ZFYVE26: variants seen among roughly 807,000 people sequenced by gnomAD.
The protein encoded by ZFYVE26 is zinc finger FYVE domain-containing protein 26.
In ZFYVE26, 181 loss-of-function variants were observed where a neutral mutation model predicts 276.5. The observed-to-expected ratio is 0.65, with a 90% CI of 0.58 to 0.74. The LOEUF (loss-of-function observed/expected upper bound fraction) is 0.74. ZFYVE26 is among the 30% of genes least tolerant of loss of function. ZFYVE26 has a pLI of 0.00. For missense variants in ZFYVE26, 2,821 were observed against 3,097.9 expected (o/e 0.91, Z 2.12); for synonymous variants, 1,129 against 1,203.1 (o/e 0.94, Z 1.27).
At chr14:67,741,501 C>T (rs1040238079) in intron 13 of ZFYVE26, among the ~76,000 whole-genome samples, 1 of 152,118 alleles carries the variant, frequency 6.6e-6, no homozygotes, top group Non-Finnish European at 1.5e-5. Flanking sequence ...AGAAGAGGGA[C>T]CTTTGATGTG....
chr14:67,748,466 C>A lies in ZFYVE26; in HGVS notation c.7590G>T (p.Arg2530=), dbSNP rs1299305605. 6.2e-7 allele frequency: 1 copy of A among 1,612,754 alleles called. No individual in the cohort carries two copies. The highest frequency in any genetic ancestry group is 1.3e-5 in the African/African-American group (1 of 75,022). The stretch of plus-strand genomic sequence containing the variant: ...TCCTGGAGCCTGGGCCATGGGCACC[C>A]CGGGGGTGGCTTGTCAGAAGCCACT... ...CAQWLLTSHP[R]GAHGPGSRK The change falls in exon 42 of 42, where the codon CGG becomes CGT. Residue 2530 remains arginine, a synonymous_variant. Transcript: ENST00000347230.
rs112741778 is a variant in ZFYVE26 at position 67,793,255 on chromosome 14, TCAAACAAA to T, written c.2553+345_2553+352del. Among the ~76,000 whole-genome samples, 5 of 151,278 alleles carry T rather than the reference TCAAACAAA, an allele frequency of 3.3e-5. No individual in the cohort carries two copies. In the East Asian group the frequency reaches 5.8e-4, roughly 18 times the overall value. ...CTGGGCAACAGAGCAAGACTCTGTC[TCAAACAAA>T]CAAACAAACAAACAAGCAAACAAAC... On this transcript the variant is annotated intron_variant, in intron 14 of 41. Transcript: ENST00000347230.
rs546006740 is a variant in ZFYVE26 at position 67,762,230 on chromosome 14, C to T, written c.6342G>A (p.Glu2114=). 11 of 1,614,164 alleles carry T rather than the reference C, an allele frequency of 6.8e-6. No homozygotes were observed. In the East Asian group the frequency reaches 2.5e-4, roughly 36 times the overall value. The change falls in exon 34 of 42, where the codon GAG becomes GAA. Residue 2114 remains glutamate, a synonymous_variant. Transcript: ENST00000347230. ...RLVQDVVEYL[E]STVRPFVSLQ... ...AGGATACAAAGGGCCTCACTGTGGA[C>T]TCTAGGTACTCAACCACATCCTGCA...
intron 13 of ZFYVE26, among the ~76,000 whole-genome samples, chr14:67,732,857 A>T (rs2038300742): frequency 6.6e-6 from 1 of 152,196 alleles, no homozygotes; most frequent in African/African-American, 2.4e-5. Flanking sequence ...CTGGGATTAC[A>T]GGTGTGAGCC....
At position 67,783,364 on chromosome 14, in the gene ZFYVE26, T is replaced by G. The variant is rs753068215; in HGVS notation, c.3788A>C (p.His1263Pro). The G allele has an allele frequency of 6.2e-7, 1 of 1,613,228 alleles. No individual in the cohort carries two copies. Among genetic ancestry groups the G allele is most frequent in the African/African-American group, 1.3e-5 (1 of 74,910 alleles). ...LGTLAQLHAS[H>P]CLDDLPLSTP... Reference sequence around the variant, plus strand: ...AGAAAGTGGGAGGTCATCCAGGCAGTGAGAGGCGTGTAGCTGGGCCAGAGT... The same window carrying G: ...AGAAAGTGGGAGGTCATCCAGGCAGGGAGAGGCGTGTAGCTGGGCCAGAGT... The change falls in exon 21 of 42, where the codon CAC becomes CCC. Residue 1263 changes from histidine to proline, a missense_variant. Physicochemically the swap from His to Pro is moderately conservative, Grantham distance 77 (BLOSUM62 -2). Coordinates refer to ENST00000347230, the MANE Select transcript of ZFYVE26 (RefSeq NM_015346.4).
At chr14:67,756,327 C>G in intron 35 of ZFYVE26, 182 bp from the exon 36 acceptor site, 1 of 701,980 alleles carries the variant, frequency 1.4e-6, no homozygotes, top group East Asian at 2.7e-5. Context: ...TCACTTCTCT[C>G]CTTCCTTTTA....
intron 13 of ZFYVE26, among the ~76,000 whole-genome samples, chr14:67,736,809 C>T (rs956669812): frequency 1.3e-5 from 2 of 152,032 alleles, no homozygotes; most frequent in South Asian, 2.1e-4. Context: ...GTGAGAGAAG[C>T]GGGACAGGGC....
chr14:67,753,901 G>A, intron 38 of ZFYVE26, 135 bp from the exon 39 acceptor site: 2 of 1,475,732 alleles, frequency 1.4e-6, no homozygotes, highest in Non-Finnish European at 1.9e-6. Context: ...AGGCACTAGG[G>A]ATATAAGAAT....
At chr14:67,754,931 T>C (rs2038739143) in intron 37 of ZFYVE26, 120 bp downstream of exon 37, 5 of 1,151,674 alleles carry the variant, frequency 4.3e-6, no homozygotes, top group South Asian at 3.8e-5. Flanking sequence ...CATCCAGGGA[T>C]GATTCCCTTT....
intron 2 of ZFYVE26, among the ~76,000 whole-genome samples, chr14:67,814,532 C>A (rs2140259577): frequency 6.6e-6 from 1 of 151,732 alleles, no homozygotes; most frequent in Admixed American, 6.6e-5. Flanking sequence ...AACAAACAAA[C>A]AAACAAACAA....
exon 14 of ZFYVE26, chr14:67,729,330 G>C: frequency 6.3e-7 from 1 of 1,599,500 alleles, no homozygotes; most frequent in Non-Finnish European, 8.5e-7. Context: ...AGACCAGCCT[G>C]CACTGCGCCC....
chr14:67,732,978 G>T (rs118036936), intron 13 of ZFYVE26, among the ~76,000 whole-genome samples: 1 of 152,056 alleles, frequency 6.6e-6, no homozygotes, highest in Non-Finnish European at 1.5e-5. Context: ...AAAAAACATG[G>T]GGGGAGCGGG....
chr14:67,740,592 T>C (rs958755038), intron 13 of ZFYVE26, among the ~76,000 whole-genome samples: 6 of 152,214 alleles, frequency 3.9e-5, no homozygotes, highest in African/African-American at 1.4e-4. Context: ...TTCATGCATG[T>C]TTCCTTTACA....
At chr14:67,796,442 G>A (rs1201770968) in intron 12 of ZFYVE26, 1 of 151,868 alleles carries the variant, frequency 6.6e-6, no homozygotes, top group Non-Finnish European at 1.5e-5. Context: ...CTTACCTCAA[G>A]TGATCCATCT....
chr14:67,766,481 G>A lies in ZFYVE26; in HGVS notation c.5791-34C>T, dbSNP rs889741251. 1.7e-5 allele frequency: 27 copies of A among 1,598,790 alleles called. No individual in the cohort carries two copies. The Admixed American group carries it at 4.2e-4, about 25-fold the overall frequency. The stretch of plus-strand genomic sequence containing the variant: ...GGTGGAAGAAGGGAGAACACACGGT[G>A]AGTCCAGGGGCCAGAGCATTCTCCA... On this transcript the variant is annotated intron_variant, in intron 31 of 41. Transcript: ENST00000347230.
At position 67,772,191 on chromosome 14, in the gene ZFYVE26, G is replaced by A. The variant is rs762890184; in HGVS notation, c.5340C>T (p.Ser1780=). The change falls in exon 28 of 42, where the codon TCC becomes TCT. Residue 1780 remains serine, a synonymous_variant. Transcript: ENST00000347230. ...AAPPGISSIH[S]PSLRERSFPP... Reference sequence around the variant, plus strand: ...GGAAACTCCTTTCCCTTAGACTAGGGGAATGTATACTGGAGATACCTGGGA... The same window carrying A: ...GGAAACTCCTTTCCCTTAGACTAGGAGAATGTATACTGGAGATACCTGGGA... 11 of 1,613,038 alleles carry A rather than the reference G, an allele frequency of 6.8e-6. No homozygotes were observed. The highest frequency in any genetic ancestry group is 9.3e-6 in the Non-Finnish European group (11 of 1,179,698).
chr14:67,805,625 G>A lies in ZFYVE26; in HGVS notation c.1018-7C>T, dbSNP rs1232069062. ...ACAATGTTAGTGCTGTTACCTGTAA[G>A]TCAAAGAAAGCTGTTATAGGCAGCT... On this transcript the variant is annotated splice_region_variant and splice_polypyrimidine_tract_variant and intron_variant, in intron 6 of 41. Coordinates refer to ENST00000347230, the MANE Select transcript of ZFYVE26 (RefSeq NM_015346.4). 1 of 1,613,356 alleles carries A rather than the reference G, an allele frequency of 6.2e-7. No individual in the cohort carries two copies. Among genetic ancestry groups the A allele is most frequent in the Non-Finnish European group, 8.5e-7 (1 of 1,180,034 alleles).
At chr14:67,761,287 T>C (rs2038920676) in intron 35 of ZFYVE26, 79 bp downstream of exon 35, 2 of 1,339,050 alleles carry the variant, frequency 1.5e-6, no homozygotes, top group Non-Finnish European at 2.1e-6. Context: ...CAGGGGGTTA[T>C]TGTCCCGCTT....
intron 41 of ZFYVE26, among the ~76,000 whole-genome samples, chr14:67,749,723 C>G (rs2038585103): frequency 6.6e-6 from 1 of 152,220 alleles, no homozygotes; most frequent in South Asian, 2.1e-4. Context: ...GTTCTGAGGT[C>G]ACTAAAGTGA....
Sources: allele counts gnomAD v4.1 joint callset (sites outside exome capture counted in the v4.1 genomes callset), GRCh38; gene constraint gnomAD v4.1.1; transcripts MANE v1.5; gene names NCBI Gene and HGNC (gene_info 2026-07-23, HGNC 2026-07-21).